KCTD1: variants seen among roughly 807,000 people sequenced by gnomAD.
KCTD1 encodes the protein BTB/POZ domain-containing protein KCTD1.
KCTD1 carries 24 observed loss-of-function variants against 66.0 expected under a neutral mutation model. The ratio of observed to expected loss-of-function variants is 0.36; its 90% CI spans 0.26 to 0.51. KCTD1 has a LOEUF of 0.51. KCTD1 is among the 20% of genes least tolerant of loss of function. The probability of loss-of-function intolerance (pLI) is 0.95; values close to 1 mark genes in which losing one functional copy is unlikely to be tolerated. For missense variants in KCTD1, 943 were observed against 1,205.2 expected (o/e 0.78, Z 3.22); for synonymous variants, 511 against 517.2 (o/e 0.99, Z 0.16).
At chr18:26,646,430 C>G (rs1417538625) in intron 1 of KCTD1, among the ~76,000 whole-genome samples, 1 of 152,170 alleles carries the variant, frequency 6.6e-6, no homozygotes, top group Non-Finnish European at 1.5e-5. Flanking sequence ...CGTATATAAA[C>G]TATATCATCA....
intron 1 of KCTD1, chr18:26,599,596 G>A (rs1056037453): frequency 4.1e-5 from 61 of 1,496,134 alleles, no homozygotes; most frequent in Non-Finnish European, 5.5e-5. Flanking sequence ...ACATTATTTT[G>A]TCGGGTTTAG....
At chr18:26,498,099 C>A (rs1982571415) in intron 2 of KCTD1, among the ~76,000 whole-genome samples, 1 of 152,132 alleles carries the variant, frequency 6.6e-6, no homozygotes. Context: ...TGCAAGGAGA[C>A]CTATTTGTGC....
chr18:26,652,509 T>C (rs1988055583), intron 1 of KCTD1, among the ~76,000 whole-genome samples: 1 of 151,374 alleles, frequency 6.6e-6, no homozygotes, highest in African/African-American at 2.5e-5. Flanking sequence ...GACATGTTTA[T>C]AATATTTTAA....
chr18:26,617,193 A>G (rs543188), intron 1 of KCTD1, among the ~76,000 whole-genome samples: 151,650 of 152,326 alleles, frequency 1, 75,495 homozygotes, highest in Middle Eastern at 1. Context: ...GCCATCCCAA[A>G]ATAACCTTTC....
At chr18:26,511,064 G>A (rs1251763389) in intron 1 of KCTD1, among the ~76,000 whole-genome samples, 1 of 151,992 alleles carries the variant, frequency 6.6e-6, no homozygotes, top group African/African-American at 2.4e-5. Flanking sequence ...TTTTAAAAAT[G>A]GAAAAAACAG....
At position 26,657,024 on chromosome 18, in the gene KCTD1, GAACCCGGCCCAGAGATCCGGA is replaced by G. The variant is rs908364942; in HGVS notation, c.9+315_9+335del. ...CACGGCGGCTCCTCTCCGAGATCCG[GAACCCGGCCCAGAGATCCGGA>G]AACCCGGCCCCCGGCCGCGGCCCCT... On this transcript the variant is annotated intron_variant, in intron 1 of 4. Coordinates refer to the KCTD1 transcript ENST00000580191. Among the ~76,000 whole-genome samples the G allele has an allele frequency of 3.3e-4, 49 of 150,576 alleles. No individual in the cohort carries two copies. The South Asian group carries it at 4.2e-3, about 13-fold the overall frequency.
At chr18:26,461,660 C>T (rs1390860519) in intron 3 of KCTD1, among the ~76,000 whole-genome samples, 1 of 152,192 alleles carries the variant, frequency 6.6e-6, no homozygotes, top group Non-Finnish European at 1.5e-5. Flanking sequence ...GGCATCACGC[C>T]AACTGTAAGA....
At chr18:26,603,803 G>A (rs2469419) in intron 1 of KCTD1, among the ~76,000 whole-genome samples, 83,606 of 150,916 alleles carry the variant, frequency 0.55, 23,318 homozygotes, top group African/African-American at 0.63. Flanking sequence ...CCCACACTAT[G>A]AAAACCCTAG....
chr18:26,628,323 T>TAC (rs1381985115), intron 1 of KCTD1, among the ~76,000 whole-genome samples: 1 of 151,910 alleles, frequency 6.6e-6, no homozygotes, highest in South Asian at 2.1e-4. Context: ...GCATCTATAA[T>TAC]ACACACACAC....
At chr18:26,550,048 C>T (rs1465483330), upstream of KCTD1, among the ~76,000 whole-genome samples, 3 of 151,914 alleles carry the variant, frequency 2.0e-5, no homozygotes, top group Non-Finnish European at 4.4e-5. This position sits in a 1 kb window ranked among gnomAD's most constrained non-coding sequence, Gnocchi z 5.4. Context: ...CACCTTCTCC[C>T]GCAGCCCGTG....
chr18:26,480,829 A>C (rs1462208699), intron 2 of KCTD1, among the ~76,000 whole-genome samples: 1 of 152,098 alleles, frequency 6.6e-6, no homozygotes, highest in Non-Finnish European at 1.5e-5. Flanking sequence ...TGCAAGACCT[A>C]ATCTCTGAGG....
rs189298426 is a variant in KCTD1, at chr18:26,601,229, G to A, written c.-16+27918C>T. Among the ~76,000 whole-genome samples, 506 of 147,776 alleles carry A rather than the reference G, an allele frequency of 3.4e-3. 4 individuals are homozygous for A. Among genetic ancestry groups the A allele is most frequent in the African/African-American group, 0.012 (475 of 40,254 alleles). On this transcript the variant is annotated intron_variant, in intron 1 of 4. Transcript: ENST00000317932. ...CTTTGTTCTTGTTACCCACCCGTAC[G>A]GACTTGGGGTCTATCTTGCCAAATA...
At chr18:26,649,534 A>G (rs139265976) in intron 1 of KCTD1, among the ~76,000 whole-genome samples, 1,958 of 152,174 alleles carry the variant, frequency 0.013, 25 homozygotes, top group Middle Eastern at 0.024. Context: ...TTTGAGACAG[A>G]GTCTTGCTCT....
At chr18:26,567,783 G>A (rs577763059) in intron 1 of KCTD1, among the ~76,000 whole-genome samples, 51 of 152,080 alleles carry the variant, frequency 3.4e-4, no homozygotes, top group African/African-American at 1.1e-3. Context: ...CACCGTGCCC[G>A]GCCAAGTGCT....
chr18:26,570,925 A>G (rs546550552), intron 1 of KCTD1, among the ~76,000 whole-genome samples: 17 of 152,266 alleles, frequency 1.1e-4, no homozygotes, highest in Non-Finnish European at 1.9e-4. Flanking sequence ...TATGCCGAGT[A>G]TAACTCAATT....
At chr18:26,597,582 C>T (rs1268702074) in intron 1 of KCTD1, among the ~76,000 whole-genome samples, 3 of 151,582 alleles carry the variant, frequency 2.0e-5, no homozygotes, top group East Asian at 3.9e-4. Context: ...TACATGCTTC[C>T]TAACTCTTTC....
intron 1 of KCTD1, among the ~76,000 whole-genome samples, chr18:26,529,975 G>A (rs1984358149): frequency 6.6e-6 from 1 of 152,220 alleles, no homozygotes. Context: ...ACCCTAAGGT[G>A]GACGGCTAGA....
At chr18:26,614,820 T>A (rs1312205816) in intron 1 of KCTD1, among the ~76,000 whole-genome samples, 1 of 152,210 alleles carries the variant, frequency 6.6e-6, no homozygotes, top group Non-Finnish European at 1.5e-5. Context: ...CTTATCTTGT[T>A]CCCTTAAACA....
chr18:26,508,944 CTT>C (rs1983193581), intron 1 of KCTD1, among the ~76,000 whole-genome samples: 1 of 152,138 alleles, frequency 6.6e-6, no homozygotes, highest in Admixed American at 6.5e-5. Context: ...GAAAACATCA[CTT>C]TACTGACCAC....
Sources: allele counts gnomAD v4.1 joint callset (sites outside exome capture counted in the v4.1 genomes callset), GRCh38; gene constraint gnomAD v4.1.1; non-coding constraint Gnocchi (gnomAD v3.1); transcripts MANE v1.5; gene names NCBI Gene and HGNC (gene_info 2026-07-23, HGNC 2026-07-21).